The following SPIDR variants were observed in gnomAD, a reference collection of about 807,000 sequenced individuals.
SPIDR encodes the protein scaffold protein involved in DNA repair, also known as DNA repair-scaffolding protein.
A neutral mutation model predicts 104.6 loss-of-function variants in SPIDR; 93 were observed. That is an observed-to-expected ratio of 0.89 (90% confidence interval 0.75 to 1.06). The LOEUF is 1.06. SPIDR is among the 50% of genes least tolerant of loss of function. The probability of loss-of-function intolerance (pLI) is 0.00; values close to 1 mark genes in which losing one functional copy is unlikely to be tolerated. For missense variants in SPIDR, 1,154 were observed against 1,111.2 expected (o/e 1.04, Z -0.55); for synonymous variants, 431 against 416.9 (o/e 1.03, Z -0.41).
At chr8:47,342,022 T>C (rs1006975173) in intron 5 of SPIDR, among the ~76,000 whole-genome samples, 3 of 152,224 alleles carry the variant, frequency 2.0e-5, no homozygotes, top group Admixed American at 6.5e-5. Context: ...TTATTACTAT[T>C]TCTAGCGATC....
chr8:47,458,147 G>C (rs2073314278), intron 8 of SPIDR, among the ~76,000 whole-genome samples: 3 of 152,000 alleles, frequency 2.0e-5, no homozygotes, highest in Admixed American at 6.6e-5. Context: ...GATGGGAATT[G>C]CATTGCATTT....
intron 19 of SPIDR, chr8:47,729,805 G>A (rs948269590): frequency 2.3e-5 from 5 of 217,618 alleles, no homozygotes; most frequent in Admixed American, 1.7e-4. Flanking sequence ...TGCAACCTCC[G>A]CCTCCCAGGT....
rs782569105 is a variant in SPIDR at position 47,407,962 on chromosome 8, G to A, written c.877+1G>A. On this transcript the variant is annotated splice_donor_variant, in intron 7 of 19. Transcript: ENST00000297423. LOFTEE classifies it high-confidence loss of function. ...ATTTCTTACCAAAAGACACTTTCAG[G>A]TAAGGCTTGTGCAGGAATCTGAGAC... 3.2e-6 allele frequency: 5 copies of A among 1,551,956 alleles called. No homozygotes were observed. The Admixed American group carries it at 5.2e-5, about 16-fold the overall frequency.
intron 8 of SPIDR, among the ~76,000 whole-genome samples, chr8:47,584,290 T>C (rs986763551): frequency 1.3e-5 from 2 of 152,206 alleles, no homozygotes; most frequent in Non-Finnish European, 2.9e-5. Context: ...CTTTGGGGGA[T>C]AAAGGAGACT....
intron 5 of SPIDR, among the ~76,000 whole-genome samples, chr8:47,346,207 A>G (rs1035006356): frequency 6.6e-6 from 1 of 152,216 alleles, no homozygotes; most frequent in East Asian, 1.9e-4. Flanking sequence ...CCTTTTCTGC[A>G]TCTATTGAGA....
intron 5 of SPIDR, among the ~76,000 whole-genome samples, chr8:47,300,319 C>T (rs1219097653): frequency 6.6e-6 from 1 of 151,896 alleles, no homozygotes; most frequent in Non-Finnish European, 1.5e-5. Flanking sequence ...ATTTTTTATT[C>T]CGTCTATCTG....
chr8:47,503,012 T>G (rs1421043068), intron 8 of SPIDR, among the ~76,000 whole-genome samples: 2 of 152,256 alleles, frequency 1.3e-5, no homozygotes, highest in Non-Finnish European at 2.9e-5. Context: ...GAGTTTGTTA[T>G]AATTTCTCTT....
chr8:47,521,340 G>A (rs1290484048), intron 8 of SPIDR, among the ~76,000 whole-genome samples: 1 of 152,056 alleles, frequency 6.6e-6, no homozygotes, highest in Non-Finnish European at 1.5e-5. Flanking sequence ...TTTCTGTCTT[G>A]GGTATTATGG....
chr8:47,667,138 G>A (rs1016106457), intron 10 of SPIDR, among the ~76,000 whole-genome samples: 3 of 151,892 alleles, frequency 2.0e-5, no homozygotes, highest in East Asian at 1.9e-4. Flanking sequence ...AAAATTAGCC[G>A]GGTGTGGTGG....
intron 16 of SPIDR, among the ~76,000 whole-genome samples, chr8:47,714,798 T>C (rs2082334059): frequency 6.6e-6 from 1 of 152,160 alleles, no homozygotes. Context: ...AATAAACTCT[T>C]CCTCCACTCA....
chr8:47,262,414 A>C (rs1345403771), intron 1 of SPIDR, among the ~76,000 whole-genome samples: 1 of 152,114 alleles, frequency 6.6e-6, no homozygotes, highest in African/African-American at 2.4e-5. Context: ...AATGTTTATT[A>C]TATCATAGAG....
chr8:47,322,505 TCAA>T (rs2046865325), intron 5 of SPIDR, among the ~76,000 whole-genome samples: 1 of 152,142 alleles, frequency 6.6e-6, no homozygotes, highest in Non-Finnish European at 1.5e-5. Flanking sequence ...GTAAACTAGT[TCAA>T]CTATTGTGGA....
At chr8:47,434,998 C>T (rs974738774) in intron 7 of SPIDR, among the ~76,000 whole-genome samples, 1 of 151,266 alleles carries the variant, frequency 6.6e-6, no homozygotes, top group East Asian at 1.9e-4. Flanking sequence ...TTTTGAGAGA[C>T]AGGGTCTCAC....
chr8:47,619,724 G>T (rs2064862223), intron 10 of SPIDR, among the ~76,000 whole-genome samples: 1 of 151,568 alleles, frequency 6.6e-6, no homozygotes, highest in South Asian at 2.1e-4. Flanking sequence ...TCCTGCTTCA[G>T]CCTCTTGAGT....
intron 11 of SPIDR, among the ~76,000 whole-genome samples, chr8:47,685,617 T>A (rs894342793): frequency 5.3e-5 from 8 of 151,212 alleles, no homozygotes; most frequent in Non-Finnish European, 8.8e-5. Flanking sequence ...TCTTTTTTTT[T>A]AATCTCTGCT....
At chr8:47,681,911 T>C (rs2077139634) in intron 11 of SPIDR, among the ~76,000 whole-genome samples, 1 of 152,164 alleles carries the variant, frequency 6.6e-6, no homozygotes, top group Non-Finnish European at 1.5e-5. Context: ...ATATTATACT[T>C]CCAAGTTTTA....
At position 47,265,188 on chromosome 8, in the gene SPIDR, C is replaced by CTTT. The variant is rs397892978; in HGVS notation, c.33+4216_33+4218dup. The stretch of plus-strand genomic sequence containing the variant: ...TACTTAGTATTGACATCTCAGTTGT[C>CTTT]TTTTTTTTTTTTTTTTTTTTTGAGA... On this transcript the variant is annotated intron_variant, in intron 1 of 19. Transcript: ENST00000297423. 4.3e-4 allele frequency among the ~76,000 whole-genome samples: 47 copies of CTTT among 108,974 alleles called. 1 individual carries two copies. Among genetic ancestry groups the CTTT allele is most frequent in the African/African-American group, 1.5e-3 (39 of 26,374 alleles). The allele number at this position is 108,974 out of a possible 152,430, so 71.5% of individuals were successfully genotyped here.
intron 5 of SPIDR, among the ~76,000 whole-genome samples, chr8:47,377,451 C>T (rs2058786128): frequency 6.6e-6 from 1 of 152,178 alleles, no homozygotes; most frequent in African/African-American, 2.4e-5. Context: ...CTAGAGGAGA[C>T]CAGGCACAAG....
intron 5 of SPIDR, among the ~76,000 whole-genome samples, chr8:47,393,843 CCCTT>C (rs143426944): frequency 0.11 from 15,943 of 148,200 alleles, 1,279 homozygotes; most frequent in African/African-American, 0.22. Context: ...CTCTCCCTTT[CCCTT>C]CCTTCCTTCC....
Sources: allele counts gnomAD v4.1 joint callset (sites outside exome capture counted in the v4.1 genomes callset), GRCh38; gene constraint gnomAD v4.1.1; transcripts MANE v1.5; gene names NCBI Gene and HGNC (gene_info 2026-07-23, HGNC 2026-07-21).